Variants in FAM91A1 observed in about 807,000 individuals in gnomAD.
FAM91A1 encodes protein FAM91A1.
In FAM91A1, 41 loss-of-function variants were observed where a neutral mutation model predicts 113.5. The observed-to-expected ratio is 0.36, with a 90% CI of 0.28 to 0.47. The LOEUF is 0.47. Among genes scored for constraint, FAM91A1 ranks in the 20% least tolerant of loss-of-function variants. FAM91A1 has a pLI of 1.00. For missense variants in FAM91A1, 696 were observed against 1,001.2 expected (o/e 0.70, Z 4.11); for synonymous variants, 307 against 347.9 (o/e 0.88, Z 1.31).
At chr8:123,777,189 A>G (rs1249375062) in intron 3 of FAM91A1, 76 bp from the exon 4 acceptor site, 1 of 1,010,942 alleles carries the variant, frequency 9.9e-7, no homozygotes, top group East Asian at 2.7e-5. Flanking sequence ...TATTGGCTGT[A>G]ATAATATTGT....
chr8:123,776,817 A>G (rs965470017), intron 3 of FAM91A1, among the ~76,000 whole-genome samples: 1 of 152,182 alleles, frequency 6.6e-6, no homozygotes, highest in African/African-American at 2.4e-5. Context: ...TAGCTCTTCT[A>G]CAGATTGGGA....
intron 18 of FAM91A1, among the ~76,000 whole-genome samples, chr8:123,801,558 G>A (rs1456289940): frequency 6.6e-6 from 1 of 152,196 alleles, no homozygotes; most frequent in Non-Finnish European, 1.5e-5. Flanking sequence ...ATAAGACAGG[G>A]CCCCTCATCT....
At chr8:123,795,389 C>A (rs183547103) in intron 15 of FAM91A1, among the ~76,000 whole-genome samples, 1 of 151,466 alleles carries the variant, frequency 6.6e-6, no homozygotes, top group Admixed American at 6.6e-5. Flanking sequence ...CCCCCGCCCC[C>A]CTGCCCTTTA....
At chr8:123,795,661 A>C (rs1022373680) in intron 15 of FAM91A1, among the ~76,000 whole-genome samples, 3 of 152,186 alleles carry the variant, frequency 2.0e-5, no homozygotes, top group Non-Finnish European at 4.4e-5. Context: ...CAATGCAAGA[A>C]CGGAGTGATA....
At chr8:123,785,557 T>C in intron 10 of FAM91A1, 72 bp from the exon 11 acceptor site, 3 of 1,062,876 alleles carry the variant, frequency 2.8e-6, no homozygotes. Flanking sequence ...TATTACACTA[T>C]TTTTTCTCTA....
At position 123,785,659 on chromosome 8, in the gene FAM91A1, T is replaced by G; in HGVS notation, c.880T>G (p.Phe294Val). The G allele has an allele frequency of 6.2e-7, 1 of 1,609,008 alleles. No homozygotes were observed. Among genetic ancestry groups the G allele is most frequent in the Non-Finnish European group, 8.5e-7 (1 of 1,178,532 alleles). ...NAVSMYCRLG[F>V]AHKKGQVINL... ...TGTTTCAATGTATTGCCGATTGGGC[T>G]TTGCCCATAAGAAGGGACAAGTAAT... Residue 294 changes from phenylalanine (F) to valine (V), a missense_variant, in exon 11 of 24, where the codon TTT becomes GTT. Coordinates refer to ENST00000334705, the MANE Select transcript of FAM91A1 (RefSeq NM_144963.4).
At chr8:123,788,188 C>A in intron 14 of FAM91A1, 1 of 985,210 alleles carries the variant, frequency 1.0e-6, no homozygotes, top group Non-Finnish European at 1.2e-6. Context: ...TCCGCTCTCA[C>A]TATCCCTTTT....
At chr8:123,775,971 AAAAAG>A (rs1183100255) in intron 3 of FAM91A1, among the ~76,000 whole-genome samples, 9 of 152,204 alleles carry the variant, frequency 5.9e-5, no homozygotes, top group East Asian at 3.9e-4. Flanking sequence ...TCAAAAGAAA[AAAAAG>A]AAAAGAAAAG....
At chr8:123,810,058 C>T (rs538881353) in intron 22 of FAM91A1, among the ~76,000 whole-genome samples, 5 of 152,164 alleles carry the variant, frequency 3.3e-5, no homozygotes, top group South Asian at 2.1e-4. Flanking sequence ...TTTAGTTACA[C>T]GATGTATTTT....
At chr8:123,781,058 A>G (rs1284883763) in intron 8 of FAM91A1, among the ~76,000 whole-genome samples, 12 of 152,018 alleles carry the variant, frequency 7.9e-5, no homozygotes. Context: ...TATTTCTGGT[A>G]ATTTAGATTA....
chr8:123,808,426 T>A, intron 21 of FAM91A1, 50 bp downstream of exon 21: 1 of 1,495,858 alleles, frequency 6.7e-7, no homozygotes, highest in Non-Finnish European at 9.2e-7. Flanking sequence ...TTCTGAGGTT[T>A]AACTTTTATG....
At chr8:123,805,244 T>A in intron 18 of FAM91A1, 23 bp from the exon 19 acceptor site, 1 of 1,587,430 alleles carries the variant, frequency 6.3e-7, no homozygotes, top group Non-Finnish European at 8.6e-7. Context: ...CTTGTATACC[T>A]TTTAACTTTT....
chr8:123,794,074 C>G (rs746115580), intron 15 of FAM91A1, among the ~76,000 whole-genome samples: 5 of 152,136 alleles, frequency 3.3e-5, no homozygotes, highest in Non-Finnish European at 7.4e-5. Flanking sequence ...TTGTAGAGAT[C>G]GGAAACTGGA....
At chr8:123,797,063 AAAAT>A (rs918005922) in intron 15 of FAM91A1, among the ~76,000 whole-genome samples, 6 of 152,012 alleles carry the variant, frequency 3.9e-5, no homozygotes, top group African/African-American at 1.4e-4. Context: ...CTGTCTCAAA[AAAAT>A]AAATAAATAA....
chr8:123,808,479 C>T (rs537396751), intron 21 of FAM91A1, 103 bp downstream of exon 21: 44 of 797,592 alleles, frequency 5.5e-5, no homozygotes, highest in East Asian at 8.9e-5. Flanking sequence ...ATTATTCATA[C>T]GACTTTTAAA....
chr8:123,800,779 T>C (rs1394845001), intron 18 of FAM91A1, among the ~76,000 whole-genome samples: 1 of 152,164 alleles, frequency 6.6e-6, no homozygotes, highest in African/African-American at 2.4e-5. Context: ...ATATATAATA[T>C]GTGGTCTTTT....
At position 123,810,363 on chromosome 8, in the gene FAM91A1, C is replaced by G. The variant is rs1388868869; in HGVS notation, c.2331+12C>G. On this transcript the variant is annotated intron_variant, in intron 23 of 23. Transcript: ENST00000334705. ...TTCACTCATTCCAGGTAACAAAAAC[C>G]AAAAAGTCCAAATGGTACTTGTACT... 1.2e-6 allele frequency: 2 copies of G among 1,611,358 alleles called. No homozygotes were observed. Among genetic ancestry groups the G allele is most frequent in the Non-Finnish European group, 1.7e-6 (2 of 1,178,200 alleles).
chr8:123,775,052 T>C (rs2130045299), intron 2 of FAM91A1, 95 bp from the exon 3 acceptor site: 1 of 1,175,064 alleles, frequency 8.5e-7, no homozygotes, highest in Non-Finnish European at 1.2e-6. Context: ...TACATACTTT[T>C]CTTTTAAATT....
In FAM91A1 at chr8:123,778,067, T is replaced by G. The variant is rs777098598; in HGVS notation, c.410T>G (p.Leu137Arg). The change falls in exon 5 of 24, where the codon CTT becomes CGT. Residue 137 changes from leucine (L) to arginine (R), a missense_variant. Transcript: ENST00000334705. The stretch of plus-strand genomic sequence containing the variant: ...ATAGGAAGAAACCAGTATATTGATC[T>G]TATGAATCAGTGTAGATCATCAAAA... ...LGIGRNQYID[L>R]MNQCRSSKKF... The G allele has an allele frequency of 6.2e-6, 10 of 1,612,760 alleles. No individual in the cohort carries two copies. The highest frequency in any genetic ancestry group is 8.5e-6 in the Non-Finnish European group (10 of 1,179,352).
Sources: allele counts gnomAD v4.1 joint callset (sites outside exome capture counted in the v4.1 genomes callset), GRCh38; gene constraint gnomAD v4.1.1; transcripts MANE v1.5; gene names NCBI Gene and HGNC (gene_info 2026-07-23, HGNC 2026-07-21).